The following MARCHF6 variants were observed in gnomAD, a reference collection of about 807,000 sequenced individuals.
MARCHF6 encodes the protein membrane associated ring-CH-type finger 6.
MARCHF6 carries 31 observed loss-of-function variants against 133.7 expected under a neutral mutation model. That is an observed-to-expected ratio of 0.23 (90% CI 0.17 to 0.31). MARCHF6 has a LOEUF of 0.31. MARCHF6 is among the 10% of genes least tolerant of loss of function. MARCHF6 has a pLI of 1.00. For synonymous variants in MARCHF6, 395 were observed against 402.5 expected (o/e 0.98, Z 0.22); for missense variants, 723 against 1,121.6 (o/e 0.64, Z 5.08).
At position 10,414,410 on chromosome 5, in the gene MARCHF6, A is replaced by G. The variant is rs773383727; in HGVS notation, c.1897-23A>G. ...TTGAGCACGTGTTCTCTATTTATGC[A>G]CTCCTTATGTTTTACTTTGCAGATA... On this transcript the variant is annotated intron_variant, in intron 19 of 25. Transcript: ENST00000274140. The G allele has an allele frequency of 1.5e-5, 21 of 1,431,864 alleles. No individual in the cohort carries two copies. The East Asian group carries it at 4.8e-4, about 33-fold the overall frequency. 88.7% of individuals were successfully genotyped at this position (1,431,864 alleles called of 1,614,324 possible).
At chr5:10,368,387 G>T (rs1413324740) in intron 1 of MARCHF6, among the ~76,000 whole-genome samples, 4 of 152,228 alleles carry the variant, frequency 2.6e-5, no homozygotes, top group East Asian at 3.9e-4. Context: ...AATACTGGCA[G>T]TTTGGGAGGC....
At chr5:10,365,658 G>GT (rs1265734247) in intron 1 of MARCHF6, among the ~76,000 whole-genome samples, 1 of 152,114 alleles carries the variant, frequency 6.6e-6, no homozygotes, top group Non-Finnish European at 1.5e-5. Context: ...TTGTGTATGG[G>GT]TATACGCTCA....
intron 1 of MARCHF6, among the ~76,000 whole-genome samples, chr5:10,367,351 A>G (rs1736197182): frequency 6.6e-6 from 1 of 152,214 alleles, no homozygotes; most frequent in South Asian, 2.1e-4. Flanking sequence ...TAAGATGTTA[A>G]TAGTAGGGGA....
At chr5:10,386,763 G>C (rs1045957504) in intron 4 of MARCHF6, among the ~76,000 whole-genome samples, 1 of 152,118 alleles carries the variant, frequency 6.6e-6, no homozygotes, top group Non-Finnish European at 1.5e-5. Flanking sequence ...ACTAAACCTA[G>C]AGAGAATCTA....
intron 4 of MARCHF6, among the ~76,000 whole-genome samples, chr5:10,384,692 A>T (rs1017654669): frequency 4.6e-5 from 7 of 152,218 alleles, no homozygotes; most frequent in African/African-American, 7.2e-5. Flanking sequence ...AAAAGAGTAG[A>T]CAGTGCCAAA....
chr5:10,377,161 G>T (rs1276516906), intron 1 of MARCHF6, among the ~76,000 whole-genome samples: 1 of 152,072 alleles, frequency 6.6e-6, no homozygotes, highest in Non-Finnish European at 1.5e-5. Context: ...GGTGGGCTGC[G>T]GTCCAAGGAC....
At chr5:10,407,752 G>A (rs1194048146) in intron 17 of MARCHF6, among the ~76,000 whole-genome samples, 1 of 152,194 alleles carries the variant, frequency 6.6e-6, no homozygotes, top group Non-Finnish European at 1.5e-5. Flanking sequence ...TTGGGAGTTT[G>A]AGACCAGCGT....
At chr5:10,362,649 TG>T (rs1462916866) in intron 1 of MARCHF6, among the ~76,000 whole-genome samples, 1 of 152,240 alleles carries the variant, frequency 6.6e-6, no homozygotes, top group African/African-American at 2.4e-5. Context: ...GCAGTCACTT[TG>T]TTAAGTGTTT....
intron 24 of MARCHF6, 30 bp downstream of exon 24, chr5:10,426,552 G>T: frequency 6.2e-7 from 1 of 1,610,760 alleles, no homozygotes. Context: ...GAGCCTTGAA[G>T]GAGCACTTTT....
At chr5:10,397,201 CT>C in intron 9 of MARCHF6, 91 bp from the exon 10 acceptor site, 1 of 830,236 alleles carries the variant, frequency 1.2e-6, no homozygotes, top group Non-Finnish European at 1.8e-6. Context: ...GCTGTTTTTA[CT>C]ATTTGGCTCT....
chr5:10,397,252 G>C, intron 9 of MARCHF6, 41 bp from the exon 10 acceptor site: 4 of 1,400,066 alleles, frequency 2.9e-6, no homozygotes, highest in Non-Finnish European at 3.9e-6. Context: ...CATACATTAA[G>C]TATGAATTGA....
At chr5:10,428,444 C>T (rs964662458) in intron 24 of MARCHF6, among the ~76,000 whole-genome samples, 7 of 146,440 alleles carry the variant, frequency 4.8e-5, no homozygotes, top group South Asian at 2.1e-4. Context: ...TGGGTTCAAG[C>T]GATTTTCCTG....
chr5:10,361,845 C>T (rs1214553362), intron 1 of MARCHF6, among the ~76,000 whole-genome samples: 2 of 151,958 alleles, frequency 1.3e-5, no homozygotes, highest in East Asian at 1.9e-4. Context: ...CTCATGGCAA[C>T]CTCCGCCTCC....
chr5:10,357,491 G>A (rs1464576345), intron 1 of MARCHF6, among the ~76,000 whole-genome samples: 13 of 152,042 alleles, frequency 8.6e-5, no homozygotes. Flanking sequence ...TTCGAAAAGT[G>A]TGAAGCTAAA....
rs368279633 is a variant in MARCHF6 at position 10,438,071 on chromosome 5, G to T, written c.*4387G>T. ...GTCTCCCTAACTTGAACTGTAGACC[G>T]TCCTCACTGGGAAGAGTAAGGCCCC... On this transcript the variant is annotated 3_prime_UTR_variant, in exon 26 of 26. Transcript: ENST00000274140. 2 of 152,284 alleles carry T rather than the reference G, an allele frequency of 1.3e-5. No homozygotes were observed. Among genetic ancestry groups the T allele is most frequent in the Non-Finnish European group, 2.9e-5 (2 of 68,020 alleles). The allele number at this position is 152,284 out of a possible 1,614,324, so 9.4% of individuals were successfully genotyped here. A position where few individuals can be genotyped will look rare whatever the true frequency, so the allele number is the denominator to read the frequency against.
intron 4 of MARCHF6, among the ~76,000 whole-genome samples, chr5:10,384,787 C>T (rs1258628536): frequency 6.6e-6 from 1 of 152,166 alleles, no homozygotes; most frequent in Non-Finnish European, 1.5e-5. Context: ...AGAAAACTGG[C>T]AGTATCTACT....
intron 8 of MARCHF6, 29 bp downstream of exon 8, chr5:10,394,172 G>A: frequency 7.0e-7 from 1 of 1,427,252 alleles, no homozygotes; most frequent in Non-Finnish European, 9.6e-7. Flanking sequence ...AAGTATCCTG[G>A]TGTTTTAATC....
chr5:10,403,850 T>C (rs1738703534), intron 15 of MARCHF6, among the ~76,000 whole-genome samples: 1 of 152,146 alleles, frequency 6.6e-6, no homozygotes, highest in South Asian at 2.1e-4. Context: ...TAATACAGAC[T>C]CTTGGAATTT....
rs1472837596 is a variant in MARCHF6, at chr5:10,435,565, T to G, written c.*1881T>G. ...TAAAATATAATGCTGCCTGTCATAG[T>G]GTATTTCTAAATTGCTCTCTTTGGG... is the stretch of plus-strand genomic sequence containing the variant. On this transcript the variant is annotated 3_prime_UTR_variant, in exon 26 of 26. Transcript: ENST00000274140. 7.0e-6 allele frequency: 1 copy of G among 142,610 alleles called. No homozygotes were observed. Among genetic ancestry groups the G allele is most frequent in the East Asian group, 2.0e-4 (1 of 4,928 alleles). The allele number at this position is 142,610 out of a possible 1,614,324, so 8.8% of individuals were successfully genotyped here.
Sources: gnomAD v4.1 joint callset for allele counts (sites outside exome capture counted in the v4.1 genomes callset) on GRCh38, gnomAD v4.1.1 for gene constraint, MANE v1.5 for transcripts, NCBI Gene and HGNC (gene_info 2026-07-23, HGNC 2026-07-21) for gene names.